Variants in TSEN15 observed in about 807,000 individuals in gnomAD.
The protein encoded by TSEN15 is tRNA-splicing endonuclease subunit Sen15.
In TSEN15, 10 loss-of-function variants were observed where a neutral mutation model predicts 20.5. The ratio of observed to expected loss-of-function variants is 0.49; its 90% confidence interval spans 0.30 to 0.83. The LOEUF is 0.83. Ranked by LOEUF, TSEN15 falls within the 40% of genes least tolerant of loss-of-function variation. The pLI, the probability that TSEN15 is intolerant of heterozygous loss-of-function variation, is 0.06. For synonymous variants in TSEN15, 72 were observed against 80.1 expected, an observed-to-expected ratio of 0.90 and a Z score of 0.54; for missense variants, 180 against 218.6, an observed-to-expected ratio of 0.82 and a Z score of 1.11.
At chr1:184,055,621 A>T (rs1358051600) in intron 3 of TSEN15, among the ~76,000 whole-genome samples, 1 of 152,196 alleles carries the variant, frequency 6.6e-6, no homozygotes, top group Admixed American at 6.5e-5. Context: ...CATGATTAAC[A>T]TGCAAGCTGA....
downstream of TSEN15, among the ~76,000 whole-genome samples, chr1:184,078,970 A>C (rs1651113734): frequency 6.6e-6 from 1 of 152,066 alleles, no homozygotes. Flanking sequence ...GGTTCCTGCC[A>C]AAGTTTGTAG....
chr1:184,074,515 C>T (rs59555103), downstream of TSEN15, among the ~76,000 whole-genome samples: 4,451 of 152,228 alleles, frequency 0.029, 230 homozygotes, highest in African/African-American at 0.1. Flanking sequence ...CTCTTTGCCA[C>T]GTGGGCCTTC....
intron 1 of TSEN15, among the ~76,000 whole-genome samples, chr1:184,054,032 A>G (rs925209808): frequency 6.6e-6 from 1 of 152,208 alleles, no homozygotes. Context: ...CTTGTATCCC[A>G]TCCCACCTCT....
At chr1:184,085,335 T>C (rs1339345144) in intron 3 of TSEN15, among the ~76,000 whole-genome samples, 1 of 152,240 alleles carries the variant, frequency 6.6e-6, no homozygotes, top group Non-Finnish European at 1.5e-5. Flanking sequence ...TGTAGTTGTA[T>C]AAGCATGCCT....
At chr1:184,065,311 A>G (rs1211042158) in intron 3 of TSEN15, among the ~76,000 whole-genome samples, 1 of 152,134 alleles carries the variant, frequency 6.6e-6, no homozygotes, top group Non-Finnish European at 1.5e-5. Flanking sequence ...TATTATTAAC[A>G]TCTTTGTGTT....
chr1:184,089,841 G>C (rs903388739), intron 3 of TSEN15, among the ~76,000 whole-genome samples: 2 of 152,118 alleles, frequency 1.3e-5, no homozygotes, highest in Non-Finnish European at 2.9e-5. Flanking sequence ...CTCTAGGTCA[G>C]GTTTGTAGAA....
chr1:184,079,746 G>A (rs1009275611), intron 3 of TSEN15, among the ~76,000 whole-genome samples: 4 of 152,142 alleles, frequency 2.6e-5, no homozygotes, highest in Admixed American at 1.3e-4. Flanking sequence ...TGTGGGATAG[G>A]ATTTCAATAT....
chr1:184,096,335 A>C (rs557761154), exon 4 of TSEN15: 1 of 152,372 alleles, frequency 6.6e-6, no homozygotes, highest in East Asian at 1.9e-4. Flanking sequence ...GAGGGGCACT[A>C]ATAAAATCAG....
chr1:184,058,964 A>G (rs1650347852), intron 3 of TSEN15, among the ~76,000 whole-genome samples: 1 of 151,948 alleles, frequency 6.6e-6, no homozygotes, highest in Admixed American at 6.5e-5. Flanking sequence ...GGATACCATG[A>G]TAACAAATAC....
intron 3 of TSEN15, among the ~76,000 whole-genome samples, chr1:184,057,406 T>A (rs927124802): frequency 6.6e-6 from 1 of 152,148 alleles, no homozygotes; most frequent in Admixed American, 6.5e-5. Flanking sequence ...AATTCCAGCA[T>A]GAATACCGTT....
chr1:184,054,328 T>C, intron 1 of TSEN15, 26 bp from the exon 2 acceptor site: 1 of 1,391,734 alleles, frequency 7.2e-7, no homozygotes, highest in Non-Finnish European at 1.0e-6. Flanking sequence ...TTCTTCTCAA[T>C]TTGACAATTA....
chr1:184,063,937 A>G (rs1389999050), intron 3 of TSEN15, among the ~76,000 whole-genome samples: 3 of 152,220 alleles, frequency 2.0e-5, no homozygotes, highest in African/African-American at 7.2e-5. Context: ...TATAATTAAT[A>G]CAAACATAAT....
chr1:184,094,015 C>A (rs191788122), intron 3 of TSEN15: 12 of 152,230 alleles, frequency 7.9e-5, no homozygotes, highest in African/African-American at 2.9e-4. Flanking sequence ...ATTAATTCTG[C>A]ATTCTGAGTT....
In TSEN15 at chr1:184,054,243, A is replaced by G. The variant is rs552419779; in HGVS notation, c.136-111A>G. Reference sequence around the variant, plus strand: ...CTTATATTGCCTTTTAACTTCCACTATACCTAGAAGAATTTTATAGATTAT... The same window carrying G: ...CTTATATTGCCTTTTAACTTCCACTGTACCTAGAAGAATTTTATAGATTAT... On this transcript the variant is annotated intron_variant, in intron 1 of 4. Coordinates refer to ENST00000645668, the MANE Select transcript of TSEN15 (RefSeq NM_052965.4). 67 of 643,440 alleles carry G rather than the reference A, an allele frequency of 1.0e-4. 2 individuals are homozygous for G. In the South Asian group the frequency reaches 1.6e-3, roughly 16 times the overall value. The allele number at this position is 643,440 out of a possible 1,614,324, so 39.9% of individuals were successfully genotyped here.
Position 184,054,808 on chromosome 1 carries a change from G to A in TSEN15, c.298G>A (p.Glu100Lys). ...CCTTGTTGGTACTGAGATAGAAGGG[G>A]AGGGGTTACAGACTGTGGTGCCTAC... is the stretch of plus-strand genomic sequence containing the variant. ...ICLVGTEIEG[E>K]GLQTVVPTPI... is the part of the protein sequence containing the mutation. The change falls in exon 3 of 5, where the codon GAG becomes AAG. Residue 100 changes from glutamate to lysine, a missense_variant. Physicochemically the swap from Glu to Lys is moderately conservative, Grantham distance 56. Coordinates refer to ENST00000645668, the MANE Select transcript of TSEN15 (RefSeq NM_052965.4). 1.9e-6 allele frequency: 3 copies of A among 1,612,008 alleles called. No homozygotes were observed. Among genetic ancestry groups the A allele is most frequent in the East Asian group, 2.2e-5 (1 of 44,858 alleles).
downstream of TSEN15, among the ~76,000 whole-genome samples, chr1:184,079,149 A>G (rs1370759094): frequency 6.6e-6 from 1 of 152,142 alleles, no homozygotes; most frequent in East Asian, 1.9e-4. Flanking sequence ...TTGGATAAGA[A>G]CTGCTTGTAC....
At chr1:184,085,389 A>G (rs1288137065) in intron 3 of TSEN15, among the ~76,000 whole-genome samples, 2 of 152,236 alleles carry the variant, frequency 1.3e-5, no homozygotes, top group African/African-American at 2.4e-5. Context: ...GTTCCCTTCT[A>G]TATTCCCAGA....
chr1:184,077,361 A>G (rs1651083279), downstream of TSEN15, among the ~76,000 whole-genome samples: 1 of 152,180 alleles, frequency 6.6e-6, no homozygotes, highest in Admixed American at 6.6e-5. Flanking sequence ...CCTACTGCTC[A>G]GAAAAAAAGA....
chr1:184,068,200 G>T (rs147789823), intron 3 of TSEN15, among the ~76,000 whole-genome samples: 1 of 151,236 alleles, frequency 6.6e-6, no homozygotes, highest in South Asian at 2.1e-4. Flanking sequence ...TTCTTTCTTT[G>T]GAACATCTCT....
Sources: gnomAD v4.1 joint callset for allele counts (sites outside exome capture counted in the v4.1 genomes callset) on GRCh38, gnomAD v4.1.1 for gene constraint, MANE v1.5 for transcripts, NCBI Gene and HGNC (gene_info 2026-07-23, HGNC 2026-07-21) for gene names.